ZFPM1: variants seen among roughly 807,000 people sequenced by gnomAD.
ZFPM1 encodes the protein zinc finger protein, FOG family member 1.
A neutral mutation model predicts 46.3 loss-of-function variants in ZFPM1; 28 were observed. The observed-to-expected ratio is 0.60, with a 90% CI of 0.45 to 0.83. The LOEUF (loss-of-function observed/expected upper bound fraction) is 0.83, where lower values mean the gene tolerates loss of function less well. Among genes scored for constraint, ZFPM1 ranks in the 40% least tolerant of loss-of-function variants. ZFPM1 has a pLI of 0.00. For missense variants in ZFPM1, 1,878 were observed against 1,432.4 expected (o/e 1.31, Z -5.02); for synonymous variants, 957 against 675.9 (o/e 1.42, Z -6.45).
chr16:88,459,515 C>T (rs887942739), intron 1 of ZFPM1, among the ~76,000 whole-genome samples: 2 of 150,340 alleles, frequency 1.3e-5, no homozygotes, highest in Non-Finnish European at 3.0e-5. Flanking sequence ...CTAACCCTCT[C>T]CCCCTCCTAC....
chr16:88,460,673 G>C (rs1284834136), intron 1 of ZFPM1, among the ~76,000 whole-genome samples: 1 of 152,234 alleles, frequency 6.6e-6, no homozygotes, highest in African/African-American at 2.4e-5. Flanking sequence ...CTCCGCTTTA[G>C]AGTGGGAATA....
At chr16:88,493,888 C>G (rs1382044075) in intron 3 of ZFPM1, among the ~76,000 whole-genome samples, 1 of 152,156 alleles carries the variant, frequency 6.6e-6, no homozygotes, top group South Asian at 2.1e-4. Context: ...GCTTTGCTCT[C>G]GAGCGCCACG....
chr16:88,493,273 C>T (rs1244100934), intron 3 of ZFPM1, among the ~76,000 whole-genome samples: 2 of 143,294 alleles, frequency 1.4e-5, no homozygotes, highest in Admixed American at 1.4e-4. Context: ...GGAGCTGTCC[C>T]GGAGTGAGGA....
intron 1 of ZFPM1, among the ~76,000 whole-genome samples, chr16:88,470,394 C>T (rs1033939409): frequency 3.3e-5 from 5 of 152,232 alleles, no homozygotes; most frequent in East Asian, 1.9e-4. Context: ...CCTCATGGAA[C>T]CCCAGCCTAA....
chr16:88,487,880 G>A (rs1909321447), intron 2 of ZFPM1, among the ~76,000 whole-genome samples: 1 of 152,218 alleles, frequency 6.6e-6, no homozygotes, highest in Non-Finnish European at 1.5e-5. Context: ...CAGGCCAGGT[G>A]CAGGCGTCCA....
In ZFPM1 at chr16:88,465,858, C is replaced by G. The variant is rs545186706; in HGVS notation, c.40+12180C>G. ...GGAGCGATTAGCGGCGATTAGAGCC[C>G]GGCGTGCGGCTAATCCTCCTGCTGA... On this transcript the variant is annotated intron_variant, in intron 1 of 9. Coordinates refer to ENST00000319555, the MANE Select transcript of ZFPM1 (RefSeq NM_153813.3). Among the ~76,000 whole-genome samples the G allele has an allele frequency of 7.2e-5, 11 of 152,322 alleles. No individual in the cohort carries two copies. The South Asian group carries it at 8.3e-4, about 11-fold the overall frequency.
At chr16:88,464,410 C>T (rs1286095202) in intron 1 of ZFPM1, among the ~76,000 whole-genome samples, 1 of 152,328 alleles carries the variant, frequency 6.6e-6, no homozygotes, top group East Asian at 1.9e-4. Context: ...GTGTTTGCAC[C>T]TCAGTCCTGC....
intron 7 of ZFPM1, 75 bp from the exon 8 acceptor site, chr16:88,532,539 C>T: frequency 6.9e-7 from 1 of 1,452,232 alleles, no homozygotes; most frequent in East Asian, 2.5e-5. Flanking sequence ...GCCCTGGGCC[C>T]AGTCGCCTTC....
At chr16:88,465,568 C>T (rs1175246728) in intron 1 of ZFPM1, among the ~76,000 whole-genome samples, 1 of 151,776 alleles carries the variant, frequency 6.6e-6, no homozygotes, top group Non-Finnish European at 1.5e-5. Context: ...CCCCCTGGTG[C>T]CTAGAACAGT....
chr16:88,477,601 C>G (rs996242093), intron 1 of ZFPM1, among the ~76,000 whole-genome samples: 2 of 152,070 alleles, frequency 1.3e-5, no homozygotes, highest in Non-Finnish European at 1.5e-5. Flanking sequence ...AGGCTTAGGC[C>G]GGAGGATCGC....
Position 88,485,998 on chromosome 16 carries a change from G to A in ZFPM1, c.100G>A (p.Glu34Lys), listed in dbSNP as rs1350614608. The change falls in exon 2 of 10, where the codon GAG (glutamate) becomes AAG (lysine). Residue 34 changes from glutamate to lysine, a missense_variant. Physicochemically the swap from Glu to Lys is moderately conservative, Grantham distance 56. Coordinates refer to ENST00000319555, the MANE Select transcript of ZFPM1 (RefSeq NM_153813.3). ...GCAGTTGGTGGGTGCCAGCCACATGGAGCAAAAGGCCACGGCACCTGAAGC... is the reference window on the plus strand; with the variant it reads ...GCAGTTGGTGGGTGCCAGCCACATGAAGCAAAAGGCCACGGCACCTGAAGC... ...EVQLVGASHM[E>K]QKATAPEAPS... 8 of 1,612,956 alleles carry A rather than the reference G, an allele frequency of 5.0e-6. No individual in the cohort carries two copies. Among genetic ancestry groups the A allele is most frequent in the South Asian group, 4.4e-5 (4 of 91,072 alleles).
intron 3 of ZFPM1, among the ~76,000 whole-genome samples, chr16:88,491,934 G>T (rs1022029820): frequency 6.6e-6 from 1 of 152,182 alleles, no homozygotes; most frequent in African/African-American, 2.4e-5. Flanking sequence ...GGCCAGCAGG[G>T]TCAGTGGCCC....
At chr16:88,456,451 T>C (rs1907566038) in intron 1 of ZFPM1, among the ~76,000 whole-genome samples, 3 of 150,582 alleles carry the variant, frequency 2.0e-5, no homozygotes, top group Admixed American at 6.6e-5. Context: ...GGGAGGCCAG[T>C]GTACCCTGGT....
At chr16:88,466,797 G>T (rs1908154106) in intron 1 of ZFPM1, among the ~76,000 whole-genome samples, 1 of 152,278 alleles carries the variant, frequency 6.6e-6, no homozygotes, top group South Asian at 2.1e-4. Context: ...GTCAGCTCCA[G>T]TGACCAGCGT....
At chr16:88,531,458 T>C (rs1912778775) in intron 6 of ZFPM1, among the ~76,000 whole-genome samples, 2 of 152,060 alleles carry the variant, frequency 1.3e-5, no homozygotes, top group African/African-American at 2.4e-5. Flanking sequence ...TGTGGGCGCA[T>C]GGGGGCTTCC....
chr16:88,534,066 G>A lies in ZFPM1; in HGVS notation c.2108G>A (p.Arg703Gln). ...SRHETYTVHK[R>Q]YYCASRHDPP... is the part of the protein sequence containing the mutation. Reference sequence around the variant, plus strand: ...CACGAGACCTACACCGTGCACAAGCGGTACTACTGCGCCTCGCGCCACGAC... The same window carrying A: ...CACGAGACCTACACCGTGCACAAGCAGTACTACTGCGCCTCGCGCCACGAC... Residue 703 changes from arginine (R) to glutamine (Q), a missense_variant, in exon 10 of 10, where the codon CGG becomes CAG. Arg to Gln is a conservative substitution (Grantham distance 43). Coordinates refer to ENST00000319555, the MANE Select transcript of ZFPM1 (RefSeq NM_153813.3). 1.6e-6 allele frequency: 2 copies of A among 1,281,858 alleles called. No homozygotes were observed. The highest frequency in any genetic ancestry group is 2.7e-4 in the Middle Eastern group (1 of 3,736). 79.4% of individuals were successfully genotyped at this position (1,281,858 alleles called of 1,614,324 possible).
At position 88,534,818 on chromosome 16, in the gene ZFPM1, G is replaced by T. The variant is rs1261515866; in HGVS notation, c.2860G>T (p.Asp954Tyr). 4.6e-6 allele frequency: 7 copies of T among 1,527,872 alleles called. 1 individual carries two copies. The South Asian group carries it at 7.1e-5, about 16-fold the overall frequency. The allele number at this position is 1,527,872 out of a possible 1,614,324, so 94.6% of individuals were successfully genotyped here. Reference protein sequence around the residue: ...PPPPAPPSYSDKGVQTPSKGT... With the variant: ...PPPPAPPSYSYKGVQTPSKGT... ...CCCGCCGGCGCCCCCCTCCTACTCGGACAAGGGCGTCCAGACTCCCAGCAA... is the reference window on the plus strand; with the variant it reads ...CCCGCCGGCGCCCCCCTCCTACTCGTACAAGGGCGTCCAGACTCCCAGCAA... Residue 954 changes from aspartate (D) to tyrosine (Y), a missense_variant, in exon 10 of 10, where the codon GAC becomes TAC. Coordinates refer to ENST00000319555, the MANE Select transcript of ZFPM1 (RefSeq NM_153813.3).
intron 1 of ZFPM1, among the ~76,000 whole-genome samples, chr16:88,475,111 C>T (rs567495072): frequency 9.6e-4 from 146 of 152,344 alleles, no homozygotes; most frequent in Non-Finnish European, 1.5e-3. Flanking sequence ...GCTGTGCATT[C>T]GTGTTGATGG....
At chr16:88,465,033 G>A (rs1167986309) in intron 1 of ZFPM1, among the ~76,000 whole-genome samples, 1 of 145,962 alleles carries the variant, frequency 6.9e-6, no homozygotes, top group Non-Finnish European at 1.5e-5. Flanking sequence ...GAAAAAGAAG[G>A]TAGGGAGGAG....
Sources: allele counts gnomAD v4.1 joint callset (sites outside exome capture counted in the v4.1 genomes callset), GRCh38; gene constraint gnomAD v4.1.1; transcripts MANE v1.5; gene names NCBI Gene and HGNC (gene_info 2026-07-23, HGNC 2026-07-21).